The following DLC1 variants were observed in gnomAD, a reference collection of about 807,000 sequenced individuals.
DLC1 encodes the protein DLC1 Rho GTPase activating protein, also known as rho GTPase-activating protein 7.
Under a neutral mutation model 140.3 loss-of-function variants are expected in DLC1, and 54 were observed. That is an observed-to-expected ratio of 0.38 (90% CI 0.31 to 0.48). The LOEUF (loss-of-function observed/expected upper bound fraction) is 0.48, where lower values mean the gene tolerates loss of function less well. Among genes scored for constraint, DLC1 ranks in the 20% least tolerant of loss-of-function variants. The probability of loss-of-function intolerance (pLI) is 0.96; values close to 1 mark genes in which losing one functional copy is unlikely to be tolerated. For synonymous variants in DLC1, 986 were observed against 728.1 expected, an observed-to-expected ratio of 1.35 and a Z score of -5.70; for missense variants, 2,536 against 1,907.0, an observed-to-expected ratio of 1.33 and a Z score of -6.14.
chr8:13,260,880 A>T (rs375313102), intron 5 of DLC1, among the ~76,000 whole-genome samples: 2 of 152,186 alleles, frequency 1.3e-5, no homozygotes, highest in East Asian at 1.9e-4. Flanking sequence ...AATTCCCAAT[A>T]TCTATTTTAT....
At chr8:13,273,099 T>C (rs951124562) in intron 5 of DLC1, among the ~76,000 whole-genome samples, 3 of 152,192 alleles carry the variant, frequency 2.0e-5, no homozygotes, top group African/African-American at 7.2e-5. Flanking sequence ...AAGTGATCCA[T>C]AGGTTTCACA....
chr8:13,184,681 T>G (rs1418334889), intron 5 of DLC1, among the ~76,000 whole-genome samples: 1 of 152,236 alleles, frequency 6.6e-6, no homozygotes, highest in East Asian at 1.9e-4. Flanking sequence ...TTGTGATTTC[T>G]GTTCTTTACA....
At position 13,393,671 on chromosome 8, in the gene DLC1, C is replaced by T; in HGVS notation, c.1196G>A (p.Ser399Asn). 6.2e-7 allele frequency: 1 copy of T among 1,613,852 alleles called. No individual in the cohort carries two copies. The highest frequency in any genetic ancestry group is 8.5e-7 in the Non-Finnish European group (1 of 1,179,936). Residue 399 changes from serine to asparagine, a missense_variant, in exon 4 of 18, where the codon AGT becomes AAT. Ser to Asn is a conservative substitution (Grantham distance 46). Coordinates refer to ENST00000276297, the MANE Select transcript of DLC1 (RefSeq NM_182643.3). ...HVPDLESGSE[S>N]GADTISVNQT... ...ATTTACTGAAATGGTATCTGCTCCA[C>T]TTTCAGATCCTGATTCCAGATCCTA...
intron 5 of DLC1, among the ~76,000 whole-genome samples, chr8:13,151,580 A>T (rs1027859549): frequency 3.3e-5 from 5 of 152,216 alleles, no homozygotes; most frequent in African/African-American, 1.2e-4. Flanking sequence ...GATTTAATTG[A>T]CTGTAGCTTT....
chr8:13,308,983 A>G (rs1277057054), intron 4 of DLC1, among the ~76,000 whole-genome samples: 2 of 152,216 alleles, frequency 1.3e-5, no homozygotes, highest in Non-Finnish European at 2.9e-5. Flanking sequence ...GGTACAGAGT[A>G]GGTGTTCATC....
intron 5 of DLC1, among the ~76,000 whole-genome samples, chr8:13,206,799 C>A (rs1827683376): frequency 6.6e-6 from 1 of 151,994 alleles, no homozygotes; most frequent in Admixed American, 6.6e-5. Context: ...CATTTGTTAC[C>A]ATACAGAGGT....
At chr8:13,363,976 C>G (rs1284329702) in intron 4 of DLC1, among the ~76,000 whole-genome samples, 1 of 152,160 alleles carries the variant, frequency 6.6e-6, no homozygotes, top group Non-Finnish European at 1.5e-5. Context: ...GAAATTCCTA[C>G]AGTGGTTTCT....
intron 5 of DLC1, among the ~76,000 whole-genome samples, chr8:13,232,147 C>T (rs1477388300): frequency 6.6e-6 from 1 of 152,018 alleles, no homozygotes; most frequent in Non-Finnish European, 1.5e-5. Flanking sequence ...GGGTCAGTGG[C>T]AAAACAATGT....
chr8:13,155,484 T>C (rs1394068465), intron 5 of DLC1, among the ~76,000 whole-genome samples: 1 of 152,136 alleles, frequency 6.6e-6, no homozygotes, highest in Non-Finnish European at 1.5e-5. Context: ...AAATCTATTT[T>C]TTTAAAAAAA....
In DLC1 at chr8:13,454,586, T is replaced by C. The variant is rs558446212; in HGVS notation, c.1023+44463A>G. Among the ~76,000 whole-genome samples the C allele has an allele frequency of 9.8e-5, 15 of 152,316 alleles. No homozygotes were observed. The East Asian group carries it at 2.3e-3, about 24-fold the overall frequency. Reference sequence around the variant, plus strand: ...TTTTTTCTCTTCAGAGATAGGGTCTTGCTCTGTCATCCAGGCTGGACTGCA... The same window carrying C: ...TTTTTTCTCTTCAGAGATAGGGTCTCGCTCTGTCATCCAGGCTGGACTGCA... On this transcript the variant is annotated intron_variant, in intron 2 of 17. Transcript: ENST00000276297.
chr8:13,586,589 GCACACACACACA>G (rs3066494), intron 1 of DLC1, among the ~76,000 whole-genome samples: 10,765 of 143,014 alleles, frequency 0.075, 601 homozygotes, highest in Admixed American at 0.19. Context: ...AGATGCACAT[GCACACACACACA>G]CACACACACA....
chr8:13,511,897 ATT>A (rs1253867609), intron 1 of DLC1, among the ~76,000 whole-genome samples: 18 of 152,148 alleles, frequency 1.2e-4, no homozygotes, highest in African/African-American at 4.3e-4. Flanking sequence ...CAAATGATCA[ATT>A]TTTGACCTAT....
chr8:13,164,354 C>G (rs1448295511), intron 5 of DLC1, among the ~76,000 whole-genome samples: 1 of 151,868 alleles, frequency 6.6e-6, no homozygotes, highest in African/African-American at 2.4e-5. Flanking sequence ...GTCTGTCTCT[C>G]TCTCTGTCTG....
At chr8:13,398,092 C>G (rs890834760) in intron 3 of DLC1, among the ~76,000 whole-genome samples, 4 of 151,658 alleles carry the variant, frequency 2.6e-5, no homozygotes, top group African/African-American at 9.7e-5. Context: ...GATTGCGCCA[C>G]TGCACTCTAG....
chr8:13,564,051 AT>A (rs1804338555), intron 1 of DLC1, among the ~76,000 whole-genome samples: 1 of 152,166 alleles, frequency 6.6e-6, no homozygotes, highest in Non-Finnish European at 1.5e-5. Flanking sequence ...TAAAATCAGT[AT>A]TTGTGGCTTA....
intron 14 of DLC1, 138 bp from the exon 15 acceptor site, chr8:13,090,608 A>G (rs1341351215): frequency 1.1e-5 from 10 of 920,282 alleles, no homozygotes; most frequent in Non-Finnish European, 1.6e-5. Flanking sequence ...GAGGTGGGCT[A>G]TCATGCTGAC....
At chr8:13,393,524 G>A (rs1254486005) in intron 4 of DLC1, 29 bp downstream of exon 4, 4 of 1,603,434 alleles carry the variant, frequency 2.5e-6, no homozygotes, top group South Asian at 2.2e-5. Flanking sequence ...TTTACACGTA[G>A]AGACTCTCTG....
intron 2 of DLC1, among the ~76,000 whole-genome samples, chr8:13,483,471 G>A (rs1795494158): frequency 1.3e-5 from 2 of 152,296 alleles, no homozygotes; most frequent in South Asian, 2.1e-4. Flanking sequence ...CACCTAGAAG[G>A]TGGCCCCATT....
chr8:13,240,317 A>G (rs1442881509), intron 5 of DLC1, among the ~76,000 whole-genome samples: 2 of 152,242 alleles, frequency 1.3e-5, no homozygotes, highest in African/African-American at 2.4e-5. Flanking sequence ...GAACATAACA[A>G]TGAAACGTGA....
Sources: allele counts gnomAD v4.1 joint callset (sites outside exome capture counted in the v4.1 genomes callset), GRCh38; gene constraint gnomAD v4.1.1; transcripts MANE v1.5; gene names NCBI Gene and HGNC (gene_info 2026-07-23, HGNC 2026-07-21).